The following PHF21B variants were observed in gnomAD, a reference collection of about 807,000 sequenced individuals.
The protein encoded by PHF21B is PHD finger protein 21B, also known as PHD finger protein 4.
A neutral mutation model predicts 62.2 loss-of-function variants in PHF21B; 22 were observed. That is an observed-to-expected ratio of 0.35 (90% confidence interval 0.25 to 0.51). PHF21B has a LOEUF of 0.51. PHF21B is among the 20% of genes least tolerant of loss of function. The probability of loss-of-function intolerance (pLI) is 0.97; values close to 1 mark genes in which losing one functional copy is unlikely to be tolerated. For missense variants in PHF21B, 701 were observed against 707.9 expected, an observed-to-expected ratio of 0.99 and a Z score of 0.11; for synonymous variants, 341 against 314.7, an observed-to-expected ratio of 1.08 and a Z score of -0.88.
chr22:44,938,905 G>A (rs961587101), intron 2 of PHF21B, among the ~76,000 whole-genome samples: 11 of 152,176 alleles, frequency 7.2e-5, no homozygotes, highest in African/African-American at 2.4e-4. Context: ...CTCGTGTCTC[G>A]CTTCTCTGCT....
intron 2 of PHF21B, among the ~76,000 whole-genome samples, chr22:44,952,284 A>G (rs539485572): frequency 8.5e-5 from 13 of 152,336 alleles, no homozygotes; most frequent in Admixed American, 7.2e-4. Flanking sequence ...CGGAGGTTGC[A>G]GTGAGCCGAG....
chr22:44,907,094 G>A (rs1037799895), intron 5 of PHF21B, among the ~76,000 whole-genome samples: 2 of 152,290 alleles, frequency 1.3e-5, no homozygotes, highest in South Asian at 2.1e-4. Context: ...AAGCATGTCC[G>A]TGCCGCAACC....
intron 2 of PHF21B, among the ~76,000 whole-genome samples, chr22:44,932,991 G>C (rs2071771023): frequency 6.6e-6 from 1 of 152,262 alleles, no homozygotes; most frequent in Non-Finnish European, 1.5e-5. Context: ...CCCTCAAAGG[G>C]GGCCCCGCAT....
intron 8 of PHF21B, among the ~76,000 whole-genome samples, chr22:44,891,055 T>C (rs1383052836): frequency 1.3e-5 from 2 of 152,154 alleles, no homozygotes; most frequent in African/African-American, 4.8e-5. Context: ...AGAGGCCCCA[T>C]CGGTCACGCT....
chr22:44,916,751 A>G (rs16993090), intron 3 of PHF21B, 121 bp from the exon 4 acceptor site: 265,033 of 898,578 alleles, frequency 0.29, 41,998 homozygotes, highest in East Asian at 0.6. Flanking sequence ...GAAAGAGCAC[A>G]GCGCCTGTCA....
At chr22:44,890,171 G>C (rs2070938226) in intron 8 of PHF21B, among the ~76,000 whole-genome samples, 1 of 152,136 alleles carries the variant, frequency 6.6e-6, no homozygotes, top group Non-Finnish European at 1.5e-5. Flanking sequence ...CTCAGCCCTG[G>C]TCACAGCTAG....
At chr22:44,971,468 G>C (rs920449936) in intron 2 of PHF21B, 1 of 152,112 alleles carries the variant, frequency 6.6e-6, no homozygotes, top group Non-Finnish European at 1.5e-5. Context: ...ATACTGAGAA[G>C]GGGTCTCCAC....
intron 2 of PHF21B, among the ~76,000 whole-genome samples, chr22:44,983,137 A>G (rs2072873182): frequency 6.6e-6 from 1 of 151,982 alleles, no homozygotes; most frequent in Non-Finnish European, 1.5e-5. Context: ...AGGAAGCTGA[A>G]GCAGGAGAAT....
At chr22:44,960,565 G>C (rs1467660747) in intron 2 of PHF21B, among the ~76,000 whole-genome samples, 1 of 152,192 alleles carries the variant, frequency 6.6e-6, no homozygotes, top group Non-Finnish European at 1.5e-5. Context: ...GATAGTCACT[G>C]TGTCAACTGG....
At chr22:44,895,948 C>A (rs978989472) in intron 6 of PHF21B, 84 bp downstream of exon 6, 3 of 1,459,030 alleles carry the variant, frequency 2.1e-6, no homozygotes, top group Admixed American at 3.3e-5. Flanking sequence ...AAGCCCAGAC[C>A]ACCCATCATC....
intron 2 of PHF21B, chr22:44,971,311 T>C (rs2072633158): frequency 6.6e-6 from 1 of 152,240 alleles, no homozygotes; most frequent in African/African-American, 2.4e-5. Flanking sequence ...TTGGGTTTTC[T>C]CCGTCCTCCC....
chr22:44,991,182 A>C (rs1331423840), intron 2 of PHF21B, among the ~76,000 whole-genome samples: 1 of 152,224 alleles, frequency 6.6e-6, no homozygotes, highest in Non-Finnish European at 1.5e-5. Flanking sequence ...TTGTGCACCA[A>C]GGGGATTAAG....
intron 2 of PHF21B, among the ~76,000 whole-genome samples, chr22:44,930,703 G>A (rs2071724791): frequency 6.6e-6 from 1 of 152,236 alleles, no homozygotes; most frequent in Non-Finnish European, 1.5e-5. Flanking sequence ...ATGCCCAGGA[G>A]CTGAATGTGA....
intron 2 of PHF21B, among the ~76,000 whole-genome samples, chr22:44,980,670 C>G (rs1354793711): frequency 2.6e-5 from 4 of 152,214 alleles, no homozygotes; most frequent in Non-Finnish European, 5.9e-5. Flanking sequence ...CTGCCTCCCC[C>G]AAGACCGCAA....
In PHF21B at chr22:44,977,224, A is replaced by G. The variant is rs554766311; in HGVS notation, c.120+31321T>C. 2.6e-4 allele frequency among the ~76,000 whole-genome samples: 39 copies of G among 147,886 alleles called. 1 individual carries two copies. The highest frequency in any genetic ancestry group is 9.1e-4 in the African/African-American group (36 of 39,354). On this transcript the variant is annotated intron_variant, in intron 2 of 12. Transcript: ENST00000313237. ...TAACTACTACTATTTTGTATTTTTC[A>G]TTCCCAGACTTTTTTTTTAATAGTT...
chr22:44,892,210 C>T (rs937646491), intron 7 of PHF21B, among the ~76,000 whole-genome samples: 22 of 152,166 alleles, frequency 1.4e-4, no homozygotes, highest in African/African-American at 4.6e-4. Context: ...AACACCTCCA[C>T]GATGTTCTTA....
intron 2 of PHF21B, among the ~76,000 whole-genome samples, chr22:44,923,850 A>T (rs1182877132): frequency 6.6e-6 from 1 of 152,002 alleles, no homozygotes; most frequent in African/African-American, 2.4e-5. Context: ...TCTAGAAAAA[A>T]AAAATTAAAA....
chr22:44,974,520 G>T (rs1038264050), intron 2 of PHF21B, among the ~76,000 whole-genome samples: 1 of 152,078 alleles, frequency 6.6e-6, no homozygotes, highest in African/African-American at 2.4e-5. Flanking sequence ...ACCCACATGT[G>T]TTGGTACCAC....
rs983825131 is a variant in PHF21B at position 44,923,900 on chromosome 22, G to A, written c.121-3410C>T. Among the ~76,000 whole-genome samples, 36 of 151,790 alleles carry A rather than the reference G, an allele frequency of 2.4e-4. 1 individual carries two copies. Among genetic ancestry groups the A allele is most frequent in the African/African-American group, 8.5e-4 (35 of 41,268 alleles). On this transcript the variant is annotated intron_variant, in intron 2 of 12. Coordinates refer to ENST00000313237, the MANE Select transcript of PHF21B (RefSeq NM_138415.5). Reference sequence around the variant, plus strand: ...GTAGCACATGCCTGTAGTCTCAGCTGCTTGGGAGGCTGAGGCAGGAGGGTC... The same window carrying A: ...GTAGCACATGCCTGTAGTCTCAGCTACTTGGGAGGCTGAGGCAGGAGGGTC...
Sources: allele counts gnomAD v4.1 joint callset (sites outside exome capture counted in the v4.1 genomes callset), GRCh38; gene constraint gnomAD v4.1.1; transcripts MANE v1.5; gene names NCBI Gene and HGNC (gene_info 2026-07-23, HGNC 2026-07-21).